The following LIN7B variants were observed in gnomAD, a reference collection of about 807,000 sequenced individuals.
LIN7B encodes the protein protein lin-7 homolog B.
LIN7B carries 16 observed loss-of-function variants against 27.9 expected under a neutral mutation model. That is an observed-to-expected ratio of 0.57 (90% CI 0.39 to 0.87). LIN7B has a LOEUF of 0.87. Among genes scored for constraint, LIN7B ranks in the 40% least tolerant of loss-of-function variants. LIN7B has a pLI of 0.00. For missense variants in LIN7B, 291 were observed against 288.5 expected, an observed-to-expected ratio of 1.01 and a Z score of -0.06; for synonymous variants, 147 against 120.8, an observed-to-expected ratio of 1.22 and a Z score of -1.42.
chr19:49,116,145 TC>T, intron 3 of LIN7B, 117 bp from the exon 4 acceptor site: 1 of 747,896 alleles, frequency 1.3e-6, no homozygotes, highest in Non-Finnish European at 2.2e-6. Flanking sequence ...ATGACAAGTG[TC>T]CCATGCTTGG....
At position 49,114,418 on chromosome 19, in the gene LIN7B, T is replaced by A; in HGVS notation, c.14T>A (p.Val5Glu). 1 of 1,204,786 alleles carries A rather than the reference T, an allele frequency of 8.3e-7. No homozygotes were observed. The highest frequency in any genetic ancestry group is 1.0e-6 in the Non-Finnish European group (1 of 970,590). The allele number at this position is 1,204,786 out of a possible 1,614,324, so 74.6% of individuals were successfully genotyped here. MAALVEPLGLERDVS... is the reference protein window; with the variant it reads MAALEEPLGLERDVS... Reference sequence around the variant, plus strand: ...TGTGGCGCCGACATGGCTGCGCTGGTGGAGCCGCTGGGGCTGGAGCGGGGT... The same window carrying A: ...TGTGGCGCCGACATGGCTGCGCTGGAGGAGCCGCTGGGGCTGGAGCGGGGT... The change falls in exon 1 of 6, where the codon GTG (valine) becomes GAG (glutamate). Residue 5 changes from valine to glutamate, a missense_variant. Physicochemically the swap from Val to Glu is moderately radical, Grantham distance 121 (BLOSUM62 -2). Transcript: ENST00000221459.
At position 49,118,238 on chromosome 19, in the gene LIN7B, G is replaced by C. The variant is rs1600312149; in HGVS notation, c.603-114G>C. The C allele has an allele frequency of 5.1e-6, 7 of 1,376,560 alleles. No homozygotes were observed. The East Asian group carries it at 1.6e-4, about 31-fold the overall frequency. The allele number at this position is 1,376,560 out of a possible 1,614,324, so 85.3% of individuals were successfully genotyped here. ...ATCCCAAGATACGGAACCTACTGTGGCTGGGATCCCTCAGCCCACTTACCT... is the reference window on the plus strand; with the variant it reads ...ATCCCAAGATACGGAACCTACTGTGCCTGGGATCCCTCAGCCCACTTACCT... On this transcript the variant is annotated intron_variant, in intron 5 of 5. Transcript: ENST00000221459.
intron 1 of LIN7B, 133 bp downstream of exon 1, chr19:49,114,574 G>A (rs1054395113): frequency 3.0e-6 from 2 of 672,866 alleles, no homozygotes; most frequent in African/African-American, 1.9e-5. Flanking sequence ...GGCGGGCGCC[G>A]GGGCCGGGCG....
At chr19:49,114,626 C>A in intron 1 of LIN7B, 185 bp downstream of exon 1, 1 of 490,622 alleles carries the variant, frequency 2.0e-6, no homozygotes, top group Non-Finnish European at 3.2e-6. Context: ...GGCCGGGACG[C>A]TGGGCGCCCG....
intron 5 of LIN7B, 133 bp downstream of exon 5, chr19:49,118,151 G>A: frequency 6.8e-7 from 1 of 1,460,678 alleles, no homozygotes. Flanking sequence ...TTGACCCTTG[G>A]CCCAGGCTCT....
In LIN7B at chr19:49,118,008, CAG is replaced by C. The variant is rs2040861348; in HGVS notation, c.595_596del (p.Ser199LeufsTer33). The part of the protein sequence containing the change: ...MRSARRRQQH[Q>X]SYSSLESRG The stretch of plus-strand genomic sequence containing the variant: ...CTCTGCCCGCCGGCGCCAACAGCAT[CAG>C]AGCTACTCGTGAGCCCCTGGGTCAC... On this transcript the variant is annotated frameshift_variant, in exon 5 of 6. Transcript: ENST00000221459. LOFTEE classifies it high-confidence loss of function. 6.2e-7 allele frequency: 1 copy of C among 1,613,860 alleles called. No homozygotes were observed. The highest frequency in any genetic ancestry group is 1.7e-5 in the Admixed American group (1 of 59,994).
chr19:49,118,344 C>G lies in LIN7B; in HGVS notation c.603-8C>G, dbSNP rs202207462. ...TGATCCCGGGTCCCTTGTCCACCCC[C>G]CTTGCAGGTCCTTGGAGTCTCGAGG... is the stretch of plus-strand genomic sequence containing the variant. On this transcript the variant is annotated splice_region_variant and splice_polypyrimidine_tract_variant and intron_variant, in intron 5 of 5. Coordinates refer to ENST00000221459, the MANE Select transcript of LIN7B (RefSeq NM_022165.3). 1.7e-3 allele frequency: 2,693 copies of G among 1,614,084 alleles called. 3 individuals are homozygous for G. Among genetic ancestry groups the G allele is most frequent in the Non-Finnish European group, 2.0e-3 (2,347 of 1,180,010 alleles).
rs978543861 is a variant in LIN7B, at chr19:49,116,475, G to C, written c.438+3G>C. ...AACTGTTGTCGGTGAACGGTGTGGTGAGTGGAGGGCTGAGGCAGGACTGGG... is the reference window on the plus strand; with the variant it reads ...AACTGTTGTCGGTGAACGGTGTGGTCAGTGGAGGGCTGAGGCAGGACTGGG... On this transcript the variant is annotated splice_donor_region_variant and intron_variant, in intron 4 of 5. Transcript: ENST00000221459. The C allele has an allele frequency of 6.2e-7, 1 of 1,613,268 alleles. No individual in the cohort carries two copies. The highest frequency in any genetic ancestry group is 1.3e-5 in the African/African-American group (1 of 74,934).
At chr19:49,114,588 G>T in intron 1 of LIN7B, 147 bp downstream of exon 1, 1 of 592,614 alleles carries the variant, frequency 1.7e-6, no homozygotes, top group Non-Finnish European at 2.4e-6. Context: ...CCGGGCGGTC[G>T]CTAGGTGTGG....
At chr19:49,118,165 C>G in intron 5 of LIN7B, 147 bp downstream of exon 5, 1 of 1,428,170 alleles carries the variant, frequency 7.0e-7, no homozygotes, top group Admixed American at 2.0e-5. Flanking sequence ...AGGCTCTCAC[C>G]CCAGGCTAGT....
chr19:49,115,532 A>T, intron 3 of LIN7B: 1 of 574,838 alleles, frequency 1.7e-6, no homozygotes, highest in Non-Finnish European at 3.1e-6. Flanking sequence ...TGGAAACAGT[A>T]TGGCATGGTT....
intron 4 of LIN7B, 23 bp downstream of exon 4, chr19:49,116,495 A>C: frequency 1.2e-6 from 2 of 1,601,088 alleles, no homozygotes; most frequent in Non-Finnish European, 1.7e-6. Flanking sequence ...CTGAGGCAGG[A>C]CTGGGGGACA....
Position 49,114,899 on chromosome 19 carries a change from C to T in LIN7B, c.88C>T (p.Leu30=). 3 of 1,470,334 alleles carry T rather than the reference C, an allele frequency of 2.0e-6. No homozygotes were observed. The highest frequency in any genetic ancestry group is 2.3e-5 in the Admixed American group (1 of 42,776). 91.1% of individuals were successfully genotyped at this position (1,470,334 alleles called of 1,614,324 possible). The part of the protein sequence containing the change: ...LLERLQRSGE[L]PPQKLQALQR... The stretch of plus-strand genomic sequence containing the variant: ...CGAGCGGCTCCAGCGCAGCGGGGAG[C>T]TGCCGCCGCAGAAGCTGCAGGCCCT... Residue 30 remains leucine, a synonymous_variant, in exon 2 of 6, where the codon CTG becomes TTG. Coordinates refer to ENST00000221459, the MANE Select transcript of LIN7B (RefSeq NM_022165.3).
intron 3 of LIN7B, 55 bp from the exon 4 acceptor site, chr19:49,116,200 CCACCCCAG>C: frequency 4.1e-6 from 6 of 1,464,494 alleles, no homozygotes; most frequent in Non-Finnish European, 5.7e-6. Flanking sequence ...TCCACATCCC[CCACCCCAG>C]CTTTCATGCC....
chr19:49,114,500 G>A (rs1600303757), intron 1 of LIN7B, 59 bp downstream of exon 1: 1 of 1,161,696 alleles, frequency 8.6e-7, no homozygotes, highest in Non-Finnish European at 1.1e-6. Flanking sequence ...CCCAGCCCCC[G>A]GTCCCCGCCC....
chr19:49,116,688 A>C (rs1025292219), intron 4 of LIN7B, among the ~76,000 whole-genome samples: 3 of 152,226 alleles, frequency 2.0e-5, no homozygotes, highest in Non-Finnish European at 2.9e-5. Context: ...AATAGTCCTA[A>C]TCCAGAGACA....
At chr19:49,115,145 T>TGCGGGG in intron 2 of LIN7B, 115 bp from the exon 3 acceptor site, 1 of 1,002,812 alleles carries the variant, frequency 1.0e-6, no homozygotes, top group South Asian at 1.8e-5. Flanking sequence ...GGCCTTCTGT[T>TGCGGGG]GCGGGGGCGG....
At chr19:49,118,220 G>A in intron 5 of LIN7B, 132 bp from the exon 6 acceptor site, 1 of 1,324,972 alleles carries the variant, frequency 7.5e-7, no homozygotes, top group Non-Finnish European at 1.1e-6. Flanking sequence ...TCCATCCCAA[G>A]ATACGGAACC....
Position 49,115,346 on chromosome 19 carries a change from C to T in LIN7B, c.228+15C>T, listed in dbSNP as rs1236425422. 3.2e-6 allele frequency: 5 copies of T among 1,562,572 alleles called. No individual in the cohort carries two copies. The highest frequency in any genetic ancestry group is 4.8e-5 in the East Asian group (2 of 42,066). On this transcript the variant is annotated intron_variant, in intron 3 of 5. Coordinates refer to ENST00000221459, the MANE Select transcript of LIN7B (RefSeq NM_022165.3). ...CCACAGCCAAGGTGGGCCCCGCACCCCATTGCTCCTGGTGTCTATTTAACT... is the reference window on the plus strand; with the variant it reads ...CCACAGCCAAGGTGGGCCCCGCACCTCATTGCTCCTGGTGTCTATTTAACT...
Sources: allele counts gnomAD v4.1 joint callset (sites outside exome capture counted in the v4.1 genomes callset), GRCh38; gene constraint gnomAD v4.1.1; transcripts MANE v1.5; gene names NCBI Gene and HGNC (gene_info 2026-07-23, HGNC 2026-07-21).